CDH4: variants seen among roughly 807,000 people sequenced by gnomAD.
The protein encoded by CDH4 is cadherin 4.
CDH4 carries 33 observed loss-of-function variants against 86.0 expected under a neutral mutation model. That is an observed-to-expected ratio of 0.38 (90% CI 0.29 to 0.51). The LOEUF (loss-of-function observed/expected upper bound fraction) is 0.51, where lower values mean the gene tolerates loss of function less well. Among genes scored for constraint, CDH4 ranks in the 20% least tolerant of loss-of-function variants. The pLI, the probability that CDH4 is intolerant of heterozygous loss-of-function variation, is 0.86. For synonymous variants in CDH4, 555 were observed against 549.4 expected (o/e 1.01, Z -0.14); for missense variants, 1,114 against 1,307.4 (o/e 0.85, Z 2.28).
intron 4 of CDH4, among the ~76,000 whole-genome samples, chr20:61,797,094 C>CAA (rs1361464514): frequency 6.7e-6 from 1 of 148,202 alleles, no homozygotes; most frequent in African/African-American, 2.5e-5. Context: ...CCCCCCCCCC[C>CAA]CCAACACTGG....
chr20:61,700,329 A>G (rs1040551002), intron 2 of CDH4, among the ~76,000 whole-genome samples: 1 of 152,198 alleles, frequency 6.6e-6, no homozygotes, highest in Non-Finnish European at 1.5e-5. Context: ...CTGGCCGGGT[A>G]GGAAATATGC....
At chr20:61,647,146 C>T (rs1040828080) in intron 2 of CDH4, among the ~76,000 whole-genome samples, 2 of 152,194 alleles carry the variant, frequency 1.3e-5, no homozygotes, top group African/African-American at 2.4e-5. Context: ...ATGCCTCATC[C>T]AGCCAGTATA....
Position 61,748,510 on chromosome 20 carries a change from A to G in CDH4, c.396+4721A>G, listed in dbSNP as rs114869486. Among the ~76,000 whole-genome samples, 1,010 of 152,380 alleles carry G rather than the reference A, an allele frequency of 6.6e-3. 10 individuals carry two copies. The highest frequency in any genetic ancestry group is 0.023 in the African/African-American group (972 of 41,596). ...GAATCTGTCCCAAATGATGTTCTTC[A>G]AACAAAAATAAAACAAGTTGAGGTG... On this transcript the variant is annotated intron_variant, in intron 3 of 15. Coordinates refer to ENST00000614565, the MANE Select transcript of CDH4 (RefSeq NM_001794.5).
chr20:61,433,014 T>G (rs1178494259), intron 2 of CDH4, among the ~76,000 whole-genome samples: 1 of 151,842 alleles, frequency 6.6e-6, no homozygotes. Context: ...AATTTTTGTA[T>G]TTTCAGTAGA....
chr20:61,655,642 G>A (rs1254964233), intron 2 of CDH4, among the ~76,000 whole-genome samples: 1 of 152,256 alleles, frequency 6.6e-6, no homozygotes, highest in Non-Finnish European at 1.5e-5. Flanking sequence ...GCTGGCTTTT[G>A]TTGTTAGGTT....
chr20:61,878,560 G>A (rs1200826499), intron 7 of CDH4, among the ~76,000 whole-genome samples: 6 of 152,114 alleles, frequency 3.9e-5, no homozygotes, highest in South Asian at 4.2e-4. Flanking sequence ...CAGGGCCCCC[G>A]CCTGGCCCCA....
intron 2 of CDH4, among the ~76,000 whole-genome samples, chr20:61,559,821 A>C (rs2086203545): frequency 6.6e-6 from 1 of 151,994 alleles, no homozygotes; most frequent in South Asian, 2.1e-4. Context: ...ACCCAGCCGG[A>C]TTCTCCTTTC....
chr20:61,630,664 A>G (rs1352732213), intron 2 of CDH4, among the ~76,000 whole-genome samples: 1 of 152,226 alleles, frequency 6.6e-6, no homozygotes, highest in Non-Finnish European at 1.5e-5. Context: ...ATTCTCCCAG[A>G]GTCCAAGACA....
chr20:61,771,407 G>A (rs191024077), intron 3 of CDH4, among the ~76,000 whole-genome samples: 33 of 151,852 alleles, frequency 2.2e-4, no homozygotes, highest in African/African-American at 6.8e-4. Context: ...GCGGATTACC[G>A]GAGGTCGGGA....
intron 2 of CDH4, among the ~76,000 whole-genome samples, chr20:61,560,221 T>A (rs2086206756): frequency 6.6e-6 from 1 of 152,250 alleles, no homozygotes; most frequent in African/African-American, 2.4e-5. Flanking sequence ...CCCACTTTTA[T>A]CAAGGCCCGG....
At chr20:61,590,885 G>A (rs866948424) in intron 2 of CDH4, among the ~76,000 whole-genome samples, 1 of 151,524 alleles carries the variant, frequency 6.6e-6, no homozygotes, top group Non-Finnish European at 1.5e-5. Flanking sequence ...ATGGGGGGGG[G>A]GGTCCCCGGG....
chr20:61,434,634 A>C (rs2085270609), intron 2 of CDH4: 1 of 152,148 alleles, frequency 6.6e-6, no homozygotes, highest in African/African-American at 2.4e-5. Flanking sequence ...TCATTTAAGC[A>C]CATTAGCGAG....
chr20:61,461,179 T>C (rs529068571), intron 2 of CDH4, among the ~76,000 whole-genome samples: 3 of 151,858 alleles, frequency 2.0e-5, no homozygotes, highest in Non-Finnish European at 4.4e-5. Flanking sequence ...ATTGATAATC[T>C]AGGAAGCCAT....
intron 2 of CDH4, among the ~76,000 whole-genome samples, chr20:61,583,886 C>T (rs569212670): frequency 4.6e-5 from 7 of 152,280 alleles, no homozygotes; most frequent in South Asian, 2.1e-4. Flanking sequence ...GGGCAGGACA[C>T]GGTGGCTCAC....
At chr20:61,865,905 G>A (rs1023212352) in intron 6 of CDH4, among the ~76,000 whole-genome samples, 1 of 149,190 alleles carries the variant, frequency 6.7e-6, no homozygotes, top group African/African-American at 2.4e-5. Context: ...GTAGGTAATG[G>A]CTTAGTTTCC....
At chr20:61,707,389 G>A (rs746201087) in intron 2 of CDH4, among the ~76,000 whole-genome samples, 2 of 152,238 alleles carry the variant, frequency 1.3e-5, no homozygotes, top group African/African-American at 4.8e-5. Flanking sequence ...CTGTTATACA[G>A]GGAAAGGACA....
At chr20:61,677,758 G>A (rs2087460221) in intron 2 of CDH4, among the ~76,000 whole-genome samples, 1 of 92,838 alleles carries the variant, frequency 1.1e-5, no homozygotes, top group Admixed American at 1.2e-4. Context: ...TGGATAGGTG[G>A]ATGGATGGTT....
chr20:61,799,204 A>G (rs772990793), intron 4 of CDH4, among the ~76,000 whole-genome samples: 1 of 152,220 alleles, frequency 6.6e-6, no homozygotes, highest in Non-Finnish European at 1.5e-5. Context: ...TACTACCTCT[A>G]TGAGGAAATT....
At chr20:61,381,250 G>A (rs759461840) in intron 2 of CDH4, among the ~76,000 whole-genome samples, 1 of 152,286 alleles carries the variant, frequency 6.6e-6, no homozygotes, top group South Asian at 2.1e-4. Flanking sequence ...ATTGACTCTT[G>A]ATAGGAGTTG....
Sources: allele counts gnomAD v4.1 joint callset (sites outside exome capture counted in the v4.1 genomes callset), GRCh38; gene constraint gnomAD v4.1.1; transcripts MANE v1.5; gene names NCBI Gene and HGNC (gene_info 2026-07-23, HGNC 2026-07-21).